RAD51B: variants seen among roughly 807,000 people sequenced by gnomAD.
RAD51B encodes DNA repair protein RAD51 homolog 2.
In RAD51B, 38 loss-of-function variants were observed where a neutral mutation model predicts 42.2. The observed-to-expected ratio is 0.90, with a 90% CI of 0.70 to 1.18. RAD51B has a LOEUF of 1.18. RAD51B is among the 50% of genes most tolerant of loss of function. The pLI is 0.00. For synonymous variants in RAD51B, 154 were observed against 145.2 expected, an observed-to-expected ratio of 1.06 and a Z score of -0.43; for missense variants, 373 against 400.7, an observed-to-expected ratio of 0.93 and a Z score of 0.59.
At chr14:68,372,271 CAA>C (rs1315295263) in intron 8 of RAD51B, among the ~76,000 whole-genome samples, 1 of 152,020 alleles carries the variant, frequency 6.6e-6, no homozygotes, top group Non-Finnish European at 1.5e-5. Flanking sequence ...AAGAGAAAAA[CAA>C]AGAGCATGTT....
At chr14:67,874,082 G>A (rs1015442186) in intron 5 of RAD51B, among the ~76,000 whole-genome samples, 3 of 151,360 alleles carry the variant, frequency 2.0e-5, no homozygotes, top group African/African-American at 4.9e-5. Flanking sequence ...AAAACTTAAA[G>A]TATAATAATA....
chr14:68,292,127 C>A, intron 8 of RAD51B, 147 bp downstream of exon 8: 1 of 678,684 alleles, frequency 1.5e-6, no homozygotes, highest in Non-Finnish European at 2.5e-6. Flanking sequence ...GTTTGGCCAC[C>A]TTTCCTGGCA....
At chr14:68,093,395 T>G (rs2077136766) in intron 7 of RAD51B, among the ~76,000 whole-genome samples, 1 of 152,242 alleles carries the variant, frequency 6.6e-6, no homozygotes, top group South Asian at 2.1e-4. Context: ...ATTGGACTAT[T>G]CAGAGATTCA....
At chr14:67,897,623 G>T (rs543424722) in intron 7 of RAD51B, among the ~76,000 whole-genome samples, 6 of 150,706 alleles carry the variant, frequency 4.0e-5, no homozygotes, top group African/African-American at 1.5e-4. Context: ...GAGTGGGCAG[G>T]ATGTGAAGAA....
intron 7 of RAD51B, among the ~76,000 whole-genome samples, chr14:68,248,853 ACAGCCTGCAGG>A (rs150859667): frequency 0.02 from 2,986 of 152,330 alleles, 95 homozygotes; most frequent in African/African-American, 0.067. Context: ...GAGGGCGGAC[ACAGCCTGCAGG>A]CAGCTGCTTT....
chr14:68,478,943 G>A (rs1328266537), downstream of RAD51B, among the ~76,000 whole-genome samples: 2 of 152,194 alleles, frequency 1.3e-5, no homozygotes, highest in African/African-American at 2.4e-5. Context: ...AATGGGAAAA[G>A]ACTTACAAAC....
At chr14:68,229,521 T>A (rs1311145202) in intron 7 of RAD51B, among the ~76,000 whole-genome samples, 1 of 152,196 alleles carries the variant, frequency 6.6e-6, no homozygotes, top group East Asian at 1.9e-4. Flanking sequence ...CCATTGTCAA[T>A]GTCTTATATG....
exon 11 of RAD51B, chr14:68,594,887 A>T: frequency 9.1e-7 from 1 of 1,101,962 alleles, no homozygotes; most frequent in South Asian, 3.5e-5. Context: ...TCCACCATGG[A>T]GTACATTTTC....
intron 11 of RAD51B, among the ~76,000 whole-genome samples, chr14:68,672,623 A>G (rs182733147): frequency 3.9e-4 from 60 of 152,346 alleles, no homozygotes; most frequent in African/African-American, 1.4e-3. Context: ...TTGGCTAGTT[A>G]TATAGCCCAG....
Position 68,456,869 on chromosome 14 carries a change from A to ATTTTTTTTTTTTT in RAD51B, c.958-11263_958-11251dup, listed in dbSNP as rs71129889. 2.3e-4 allele frequency among the ~76,000 whole-genome samples: 15 copies of ATTTTTTTTTTTTT among 66,460 alleles called. 3 individuals are homozygous for ATTTTTTTTTTTTT. The highest frequency in any genetic ancestry group is 4.4e-4 in the Admixed American group (2 of 4,498). The allele number at this position is 66,460 out of a possible 152,430, so 43.6% of individuals were successfully genotyped here. A position where few individuals can be genotyped will look rare whatever the true frequency, so the allele number is the denominator to read the frequency against. On this transcript the variant is annotated intron_variant, in intron 9 of 10. Transcript: ENST00000471583. ...AAACTTCTCCAATCACAATGGAATG[A>ATTTTTTTTTTTTT]TTTTTTTTTTTTTTTTTTTTTTTTT...
chr14:68,051,874 ATGTGTGTGTGTG>A (rs72459876), intron 7 of RAD51B, among the ~76,000 whole-genome samples: 1,571 of 148,844 alleles, frequency 0.011, 26 homozygotes, highest in African/African-American at 0.036. Context: ...CCTCCCACAT[ATGTGTGTGTGTG>A]TGTGTGTGTG....
intron 9 of RAD51B, among the ~76,000 whole-genome samples, chr14:68,466,466 A>C (rs34574981): frequency 0.014 from 2,137 of 152,316 alleles, 50 homozygotes; most frequent in African/African-American, 0.049. Flanking sequence ...GTAGCATCAA[A>C]GATGTCAAAA....
In RAD51B at chr14:68,251,275, A is replaced by G. The variant is rs1221036933; in HGVS notation, c.757-40609A>G. The stretch of plus-strand genomic sequence containing the variant: ...AGTGGGCTCTGACTCTTTGCAAGGT[A>G]TAATTTACCATTGTGCTCCTCCCTC... On this transcript the variant is annotated intron_variant, in intron 7 of 10. Transcript: ENST00000471583. Among the ~76,000 whole-genome samples the G allele has an allele frequency of 3.9e-5, 6 of 152,152 alleles. No individual in the cohort carries two copies. The South Asian group carries it at 6.2e-4, about 16-fold the overall frequency.
rs185359049 is a variant in RAD51B at position 67,852,040 on chromosome 14, G to A, written c.316-12963G>A. ...CTGCTGGAGGTCTACTTACTCTCAGGCTCTTCACTCCCTCCCCAGCCTGAG... is the reference window on the plus strand; with the variant it reads ...CTGCTGGAGGTCTACTTACTCTCAGACTCTTCACTCCCTCCCCAGCCTGAG... On this transcript the variant is annotated intron_variant, in intron 4 of 10. Transcript: ENST00000471583. 1.1e-4 allele frequency among the ~76,000 whole-genome samples: 17 copies of A among 151,558 alleles called. No homozygotes were observed. The East Asian group carries it at 3.4e-3, about 30-fold the overall frequency.
intron 7 of RAD51B, among the ~76,000 whole-genome samples, chr14:68,226,339 G>A (rs567974535): frequency 3.3e-5 from 5 of 152,298 alleles, no homozygotes; most frequent in East Asian, 1.9e-4. Flanking sequence ...GGCCAGCCAC[G>A]GAGCAAGACT....
At chr14:67,856,642 A>G (rs1447079520) in intron 4 of RAD51B, among the ~76,000 whole-genome samples, 1 of 152,142 alleles carries the variant, frequency 6.6e-6, no homozygotes, top group African/African-American at 2.4e-5. Flanking sequence ...CTTGAATGTG[A>G]GGAGAGTTAA....
At chr14:68,506,547 G>A (rs1025561543) in intron 10 of RAD51B, among the ~76,000 whole-genome samples, 3 of 152,234 alleles carry the variant, frequency 2.0e-5, no homozygotes, top group East Asian at 1.9e-4. Flanking sequence ...ATGTGTGCGT[G>A]CACGCCGGTG....
intron 9 of RAD51B, among the ~76,000 whole-genome samples, chr14:68,443,364 G>A (rs1392935050): frequency 1.3e-5 from 2 of 152,164 alleles, no homozygotes; most frequent in African/African-American, 2.4e-5. Context: ...GGACGAATAG[G>A]TCTGTTTGGG....
At chr14:68,306,510 G>T (rs2081865828) in intron 8 of RAD51B, 1 of 355,294 alleles carries the variant, frequency 2.8e-6, no homozygotes, top group Non-Finnish European at 5.8e-6. Context: ...ATTAGAACAA[G>T]CCCAAGCTGA....
Sources: allele counts gnomAD v4.1 joint callset (sites outside exome capture counted in the v4.1 genomes callset), GRCh38; gene constraint gnomAD v4.1.1; transcripts MANE v1.5; gene names NCBI Gene and HGNC (gene_info 2026-07-23, HGNC 2026-07-21).